VAV2: variants seen among roughly 807,000 people sequenced by gnomAD.
VAV2 encodes vav guanine nucleotide exchange factor 2, also known as guanine nucleotide exchange factor VAV2.
In VAV2, 67 loss-of-function variants were observed where a neutral mutation model predicts 132.5. The observed-to-expected ratio is 0.51, with a 90% CI of 0.42 to 0.62. The LOEUF (loss-of-function observed/expected upper bound fraction) is 0.62, where lower values mean the gene tolerates loss of function less well. VAV2 is among the 20% of genes least tolerant of loss of function. The pLI, the probability that VAV2 is intolerant of heterozygous loss-of-function variation, is 0.00. For missense variants in VAV2, 938 were observed against 1,153.6 expected, an observed-to-expected ratio of 0.81 and a Z score of 2.71; for synonymous variants, 492 against 443.5, an observed-to-expected ratio of 1.11 and a Z score of -1.37.
At chr9:133,915,819 C>A (rs1281884970) in intron 2 of VAV2, among the ~76,000 whole-genome samples, 1 of 21,230 alleles carries the variant, frequency 4.7e-5, no homozygotes, top group Non-Finnish European at 3.0e-4. Flanking sequence ...CACATGCACT[C>A]ACACACGCAC....
chr9:133,945,690 G>A (rs1203408687), intron 1 of VAV2, among the ~76,000 whole-genome samples: 1 of 152,216 alleles, frequency 6.6e-6, no homozygotes, highest in East Asian at 1.9e-4. Flanking sequence ...GCCCCAAGCT[G>A]GGGTCTCCAG....
At position 133,814,183 on chromosome 9, in the gene VAV2, TACTA is replaced by T. The variant is rs562337217; in HGVS notation, c.450-1971_450-1968del. ...GTGTTTGTGAGCTCACAGGTTTTCT[TACTA>T]ACCCATCTCAAAGGTCCATCCCCAG... On this transcript the variant is annotated intron_variant, in intron 4 of 29. Transcript: ENST00000371850. Among the ~76,000 whole-genome samples, 260 of 152,326 alleles carry T rather than the reference TACTA, an allele frequency of 1.7e-3. 1 individual carries two copies. Among genetic ancestry groups the T allele is most frequent in the African/African-American group, 6.1e-3 (252 of 41,572 alleles).
chr9:133,869,880 T>C (rs1468793197), intron 2 of VAV2, among the ~76,000 whole-genome samples: 4 of 152,200 alleles, frequency 2.6e-5, no homozygotes, highest in Non-Finnish European at 5.9e-5. Context: ...ATTATCAAAC[T>C]CATTTGAATA....
intron 1 of VAV2, among the ~76,000 whole-genome samples, chr9:133,990,899 G>A (rs1842993342): frequency 1.3e-5 from 2 of 152,120 alleles, no homozygotes; most frequent in Admixed American, 6.5e-5. Context: ...CCAGTGGGAA[G>A]GCGGCCCCTT....
rs1014974092 is a variant in VAV2 at position 133,991,969 on chromosome 9, A to T, written c.204+106T>A. On this transcript the variant is annotated intron_variant, in intron 1 of 29. Transcript: ENST00000371850. The surrounding 1 kb of genome is among the most constrained non-coding windows in gnomAD (Gnocchi z 4.8). Reference sequence around the variant, plus strand: ...CCGCGTCCCGGAGCCCGGCCGCCCCAGCCAGGGCGCCTGGGCCGCCGCCGC... The same window carrying T: ...CCGCGTCCCGGAGCCCGGCCGCCCCTGCCAGGGCGCCTGGGCCGCCGCCGC... 2.0e-6 allele frequency: 2 copies of T among 998,656 alleles called. No homozygotes were observed. The highest frequency in any genetic ancestry group is 3.5e-5 in the African/African-American group (2 of 57,214). 61.9% of individuals were successfully genotyped at this position (998,656 alleles called of 1,614,324 possible).
chr9:133,814,608 T>G (rs1295176919), intron 4 of VAV2, among the ~76,000 whole-genome samples: 1 of 152,124 alleles, frequency 6.6e-6, no homozygotes, highest in Non-Finnish European at 1.5e-5. Flanking sequence ...GCTGATGACA[T>G]GGATCAAAAA....
intron 2 of VAV2, among the ~76,000 whole-genome samples, chr9:133,875,896 C>T (rs1016036450): frequency 3.3e-5 from 5 of 152,242 alleles, no homozygotes; most frequent in African/African-American, 9.6e-5. Flanking sequence ...GTATAGCAGA[C>T]GCCTCCCGTG....
At position 133,840,089 on chromosome 9, in the gene VAV2, C is replaced by G. The variant is rs868360549; in HGVS notation, c.381-5749G>C. Among the ~76,000 whole-genome samples, 1 of 152,194 alleles carries G rather than the reference C, an allele frequency of 6.6e-6. No individual in the cohort carries two copies. The highest frequency in any genetic ancestry group is 1.5e-5 in the Non-Finnish European group (1 of 68,036). On this transcript the variant is annotated intron_variant, in intron 3 of 29. Transcript: ENST00000371850. This position sits in a 1 kb window ranked among gnomAD's most constrained non-coding sequence, Gnocchi z 4.5. ...CCTTGCCCTGTGGCGTTGCCTTGCT[C>G]GTTAAGAGCAGGGAATGAGAAGCAG...
At chr9:133,784,553 C>G in intron 17 of VAV2, 135 bp from the exon 18 acceptor site, 1 of 909,052 alleles carries the variant, frequency 1.1e-6, no homozygotes, top group Non-Finnish European at 1.8e-6. Context: ...CCAAGCCTGG[C>G]TCTGCCCGCA....
chr9:133,813,118 G>A (rs1004640777), intron 4 of VAV2, among the ~76,000 whole-genome samples: 2 of 152,184 alleles, frequency 1.3e-5, no homozygotes, highest in African/African-American at 4.8e-5. Context: ...CACAGGCCCC[G>A]TTGGGGGCTC....
In VAV2 at chr9:133,778,823, G is replaced by A. The variant is rs772668402; in HGVS notation, c.1829C>T (p.Thr610Ile). Residue 610 changes from threonine to isoleucine, a missense_variant, in exon 22 of 30, where the codon ACC becomes ATC. Coordinates refer to ENST00000371850, the MANE Select transcript of VAV2 (RefSeq NM_001134398.2). ...NPAPPGKPVL[T>I]FQTGDVLELL... is the part of the protein sequence containing the mutation. The stretch of plus-strand genomic sequence containing the variant: ...CTCAAGCACGTCGCCCGTCTGGAAG[G>A]TCAGCACAGGCTTCCCGGGAGGGGC... 5 of 1,613,048 alleles carry A rather than the reference G, an allele frequency of 3.1e-6. No homozygotes were observed. The highest frequency in any genetic ancestry group is 1.7e-5 in the Admixed American group (1 of 60,006).
rs1485164089 is a variant in VAV2 at position 133,912,239 on chromosome 9, A to G, written c.321+26864T>C. Among the ~76,000 whole-genome samples, 2 of 152,176 alleles carry G rather than the reference A, an allele frequency of 1.3e-5. No homozygotes were observed. The highest frequency in any genetic ancestry group is 2.4e-5 in the African/African-American group (1 of 41,448). ...CTGACAACCAGGAGTGTTTTAGTACAAAACAGACAAACCAGAAACCTACGG... is the reference window on the plus strand; with the variant it reads ...CTGACAACCAGGAGTGTTTTAGTACGAAACAGACAAACCAGAAACCTACGG... On this transcript the variant is annotated intron_variant, in intron 2 of 29. Transcript: ENST00000371850. This position sits in a 1 kb window ranked among gnomAD's most constrained non-coding sequence, Gnocchi z 4.3.
chr9:133,791,239 A>C (rs561123548), intron 13 of VAV2, among the ~76,000 whole-genome samples: 139 of 152,264 alleles, frequency 9.1e-4, no homozygotes, highest in Non-Finnish European at 1.1e-3. Context: ...CGGTAGCCCA[A>C]GCCTGGCCTC....
chr9:133,882,221 C>A (rs1838525471), intron 2 of VAV2, among the ~76,000 whole-genome samples: 1 of 152,346 alleles, frequency 6.6e-6, no homozygotes, highest in Non-Finnish European at 1.5e-5. Context: ...AGGCAAAGAA[C>A]ATGCTGGGTC....
At position 133,768,552 on chromosome 9, in the gene VAV2, A is replaced by G. The variant is rs1833512559; in HGVS notation, c.2479T>C (p.Phe827Leu). The change falls in exon 29 of 30, where the codon TTT becomes CTT. Residue 827 changes from phenylalanine to leucine, a missense_variant. Coordinates refer to ENST00000371850, the MANE Select transcript of VAV2 (RefSeq NM_001134398.2). This position sits in a 1 kb window ranked among gnomAD's most constrained non-coding sequence, Gnocchi z 5.3. ...VIGTAVARYN[F>L]AARDMRELSL... ...AGCTCCCTCATATCTCGGGCGGCAA[A>G]GTTATACCTGGCCACAGCTGTGCCG... is the stretch of plus-strand genomic sequence containing the variant. 1 of 1,613,912 alleles carries G rather than the reference A, an allele frequency of 6.2e-7. No homozygotes were observed.
Position 133,917,441 on chromosome 9 carries a change from C to CTTTTTTTTTTTTTTTTT in VAV2, c.321+21661_321+21662insAAAAAAAAAAAAAAAAA, listed in dbSNP as rs56141918. 6.3e-4 allele frequency among the ~76,000 whole-genome samples: 83 copies of CTTTTTTTTTTTTTTTTT among 132,560 alleles called. 1 individual carries two copies. Among genetic ancestry groups the CTTTTTTTTTTTTTTTTT allele is most frequent in the African/African-American group, 2.5e-3 (76 of 30,384 alleles). The allele number at this position is 132,560 out of a possible 152,430, so 87.0% of individuals were successfully genotyped here. A position where few individuals can be genotyped will look rare whatever the true frequency, so the allele number is the denominator to read the frequency against. ...TCATGAGAAAAACAGAAAACTCTTT[C>CTTTTTTTTTTTTTTTTT]TTTTTTTTTTTTTTTGGCTAGAAGG... On this transcript the variant is annotated intron_variant, in intron 2 of 29. Coordinates refer to ENST00000371850, the MANE Select transcript of VAV2 (RefSeq NM_001134398.2).
At chr9:133,939,300 G>T in intron 1 of VAV2, 81 bp from the exon 2 acceptor site, 1 of 1,226,054 alleles carries the variant, frequency 8.2e-7, no homozygotes, top group Non-Finnish European at 1.2e-6. Context: ...AGCAACAGCA[G>T]CAAGCTCTGG....
At chr9:133,865,669 C>G (rs1366484731) in intron 2 of VAV2, among the ~76,000 whole-genome samples, 1 of 152,196 alleles carries the variant, frequency 6.6e-6, no homozygotes, top group Admixed American at 6.5e-5. Flanking sequence ...AATTCTCTCT[C>G]ATCGACTGCA....
chr9:133,864,730 G>C (rs1329917345), intron 2 of VAV2, among the ~76,000 whole-genome samples: 1 of 152,234 alleles, frequency 6.6e-6, no homozygotes, highest in African/African-American at 2.4e-5. Flanking sequence ...CTGGCCAGAC[G>C]GGTAACGCCA....
Sources: allele counts gnomAD v4.1 joint callset (sites outside exome capture counted in the v4.1 genomes callset), GRCh38; gene constraint gnomAD v4.1.1; non-coding constraint Gnocchi (gnomAD v3.1); transcripts MANE v1.5; gene names NCBI Gene and HGNC (gene_info 2026-07-23, HGNC 2026-07-21).